Variants in CHCHD6 observed in about 807,000 individuals in gnomAD.
The protein encoded by CHCHD6 is coiled-coil-helix-coiled-coil-helix domain containing 6.
CHCHD6 carries 28 observed loss-of-function variants against 32.3 expected under a neutral mutation model. That is an observed-to-expected ratio of 0.87 (90% CI 0.64 to 1.19). The LOEUF is 1.19. Ranked by LOEUF, CHCHD6 falls within the 50% of genes most tolerant of loss-of-function variation. The pLI is 0.00. For missense variants in CHCHD6, 333 were observed against 307.0 expected, an observed-to-expected ratio of 1.08 and a Z score of -0.63; for synonymous variants, 122 against 117.5, an observed-to-expected ratio of 1.04 and a Z score of -0.25.
At chr3:126,916,479 A>T (rs2078173210) in intron 6 of CHCHD6, among the ~76,000 whole-genome samples, 1 of 152,070 alleles carries the variant, frequency 6.6e-6, no homozygotes, top group South Asian at 2.1e-4. Context: ...AGAGGAGGAG[A>T]ATCTTCCAAA....
intron 1 of CHCHD6, among the ~76,000 whole-genome samples, chr3:126,718,057 G>C (rs563521775): frequency 2.0e-5 from 3 of 152,266 alleles, no homozygotes; most frequent in African/African-American, 7.2e-5. Flanking sequence ...GGTGAGGGCA[G>C]GTTCAGGTTT....
chr3:126,818,845 G>A (rs559247352), intron 4 of CHCHD6, among the ~76,000 whole-genome samples: 2 of 152,342 alleles, frequency 1.3e-5, no homozygotes, highest in Admixed American at 1.3e-4. Flanking sequence ...TTTAAAGCAG[G>A]CCTGATGTGA....
At chr3:126,787,888 A>G (rs1938303967) in intron 4 of CHCHD6, among the ~76,000 whole-genome samples, 1 of 152,210 alleles carries the variant, frequency 6.6e-6, no homozygotes, top group Non-Finnish European at 1.5e-5. Flanking sequence ...GAGAGAGGGC[A>G]TCCCTGTCTT....
At chr3:126,959,994 G>A (rs1477046445) in intron 7 of CHCHD6, among the ~76,000 whole-genome samples, 1 of 152,182 alleles carries the variant, frequency 6.6e-6, no homozygotes, top group Admixed American at 6.5e-5. Context: ...GTGGAGTGAG[G>A]GCCCGTCCCC....
intron 4 of CHCHD6, among the ~76,000 whole-genome samples, chr3:126,806,084 A>C (rs1372195112): frequency 6.6e-6 from 1 of 152,238 alleles, no homozygotes; most frequent in Admixed American, 6.5e-5. Flanking sequence ...ATTAGACCTA[A>C]AACCATAAAA....
At chr3:126,730,720 TGGA>T in intron 3 of CHCHD6, 90 bp downstream of exon 3, 1 of 1,060,182 alleles carries the variant, frequency 9.4e-7, no homozygotes, top group African/African-American at 1.6e-5. Context: ...CCTGAAGCCC[TGGA>T]GGCTTTGTCT....
intron 1 of CHCHD6, among the ~76,000 whole-genome samples, chr3:126,712,029 A>G (rs1934771295): frequency 6.6e-6 from 1 of 152,346 alleles, no homozygotes; most frequent in Admixed American, 6.5e-5. Context: ...AGGGAAGCAC[A>G]GTACTTTAGG....
At chr3:126,793,084 A>G (rs1479655351) in intron 4 of CHCHD6, among the ~76,000 whole-genome samples, 1 of 152,106 alleles carries the variant, frequency 6.6e-6, no homozygotes, top group Non-Finnish European at 1.5e-5. Flanking sequence ...TAGTATTCAC[A>G]TAGTATATCT....
intron 1 of CHCHD6, among the ~76,000 whole-genome samples, chr3:126,713,474 A>G (rs1209961777): frequency 6.6e-6 from 1 of 152,178 alleles, no homozygotes; most frequent in Non-Finnish European, 1.5e-5. Context: ...GCCTCCCTGC[A>G]GGGACACTTG....
At chr3:126,841,895 A>G (rs530705238) in intron 4 of CHCHD6, among the ~76,000 whole-genome samples, 5 of 152,222 alleles carry the variant, frequency 3.3e-5, no homozygotes, top group Admixed American at 3.3e-4. Context: ...GCCTGGGTGA[A>G]GGAGCAAGAC....
intron 4 of CHCHD6, 49 bp from the exon 5 acceptor site, chr3:126,852,587 GCAGCACCATTC>G (rs1467437451): frequency 3.2e-5 from 41 of 1,261,548 alleles, no homozygotes; most frequent in Non-Finnish European, 1.2e-5. Flanking sequence ...CCTTCTCCCT[GCAGCACCATTC>G]CAGCACCATC....
At chr3:126,757,174 A>G (rs937597204) in intron 4 of CHCHD6, among the ~76,000 whole-genome samples, 2 of 152,214 alleles carry the variant, frequency 1.3e-5, no homozygotes, top group Admixed American at 1.3e-4. Context: ...ATGACACTCA[A>G]AGGAAATGCT....
At chr3:126,718,623 A>G (rs1224933533) in intron 1 of CHCHD6, among the ~76,000 whole-genome samples, 1 of 152,176 alleles carries the variant, frequency 6.6e-6, no homozygotes, top group Admixed American at 6.5e-5. Context: ...CAGAGAAGCT[A>G]AAGAATTGGG....
chr3:126,948,990 G>C (rs1421903606), intron 6 of CHCHD6, among the ~76,000 whole-genome samples: 1 of 152,206 alleles, frequency 6.6e-6, no homozygotes, highest in East Asian at 1.9e-4. Context: ...AGGCCAGAAG[G>C]GGAAACCTGA....
intron 5 of CHCHD6, among the ~76,000 whole-genome samples, chr3:126,857,036 C>G (rs1472366889): frequency 6.6e-6 from 1 of 152,198 alleles, no homozygotes; most frequent in African/African-American, 2.4e-5. Context: ...CATGTTATTT[C>G]TGTCCTCTTC....
intron 5 of CHCHD6, among the ~76,000 whole-genome samples, chr3:126,864,564 T>TCTCCACCACCTCCTCCTCCAC (rs1559890120): frequency 5.9e-5 from 4 of 68,050 alleles, no homozygotes; most frequent in Non-Finnish European, 9.5e-5. Flanking sequence ...TCCTCCTCCT[T>TCTCCACCACCTCCTCCTCCAC]CTCCACCACC....
chr3:126,708,686 A>T (rs1322998183), intron 1 of CHCHD6, among the ~76,000 whole-genome samples: 4 of 151,110 alleles, frequency 2.6e-5, no homozygotes. Flanking sequence ...GGGATGCATC[A>T]TTTTACATAT....
intron 5 of CHCHD6, among the ~76,000 whole-genome samples, chr3:126,903,322 G>A (rs1440469487): frequency 6.6e-6 from 1 of 152,182 alleles, no homozygotes; most frequent in African/African-American, 2.4e-5. Flanking sequence ...CAGCCGCACT[G>A]GATCCTCAGG....
At chr3:126,940,372 G>A (rs918742110) in intron 6 of CHCHD6, among the ~76,000 whole-genome samples, 3 of 152,044 alleles carry the variant, frequency 2.0e-5, no homozygotes, top group African/African-American at 4.8e-5. Flanking sequence ...ATCAGTAAAT[G>A]TAGATTTAGA....
Sources: gnomAD v4.1 joint callset for allele counts (sites outside exome capture counted in the v4.1 genomes callset) on GRCh38, gnomAD v4.1.1 for gene constraint, MANE v1.5 for transcripts, NCBI Gene and HGNC (gene_info 2026-07-23, HGNC 2026-07-21) for gene names.